BMPR1B: variants seen among roughly 807,000 people sequenced by gnomAD.
BMPR1B encodes bone morphogenetic protein receptor type 1B.
A neutral mutation model predicts 59.1 loss-of-function variants in BMPR1B; 12 were observed. That is an observed-to-expected ratio of 0.20 (90% CI 0.13 to 0.33). The LOEUF is 0.33. Ranked by LOEUF, BMPR1B falls within the 10% of genes least tolerant of loss-of-function variation. The pLI, the probability that BMPR1B is intolerant of heterozygous loss-of-function variation, is 1.00. For missense variants in BMPR1B, 550 were observed against 610.9 expected (o/e 0.90, Z 1.05); for synonymous variants, 237 against 207.3 (o/e 1.14, Z -1.23).
intron 6 of BMPR1B, among the ~76,000 whole-genome samples, chr4:95,116,617 C>T (rs913002202): frequency 5.9e-5 from 9 of 151,438 alleles, no homozygotes; most frequent in Non-Finnish European, 1.2e-4. Context: ...CTCTCTCTCT[C>T]TCTCTTTTTT....
chr4:95,002,178 T>G (rs553628283), intron 3 of BMPR1B, among the ~76,000 whole-genome samples: 10 of 152,332 alleles, frequency 6.6e-5, no homozygotes, highest in African/African-American at 2.4e-4. Context: ...TGTTGCCATC[T>G]GGATGTCCAT....
At chr4:94,795,626 G>T (rs1368417628) in intron 1 of BMPR1B, among the ~76,000 whole-genome samples, 2 of 151,902 alleles carry the variant, frequency 1.3e-5, no homozygotes, top group East Asian at 1.9e-4. Flanking sequence ...ACCACATCTG[G>T]CTAATTTTTG....
At chr4:95,108,316 A>G (rs578039167) in intron 4 of BMPR1B, among the ~76,000 whole-genome samples, 21 of 152,028 alleles carry the variant, frequency 1.4e-4, no homozygotes, top group Non-Finnish European at 2.5e-4. Flanking sequence ...TTTAAAGGAT[A>G]AGGTTGTATT....
chr4:94,782,276 C>A (rs1453768991), intron 1 of BMPR1B, among the ~76,000 whole-genome samples: 1 of 151,658 alleles, frequency 6.6e-6, no homozygotes, highest in East Asian at 1.9e-4. Flanking sequence ...CAGATACTTC[C>A]TTCTACTCAG....
chr4:94,942,791 A>G (rs546991861), intron 2 of BMPR1B, among the ~76,000 whole-genome samples: 1 of 152,334 alleles, frequency 6.6e-6, no homozygotes, highest in Admixed American at 6.5e-5. Flanking sequence ...AGTTGTAGGC[A>G]TAGGATAGAA....
At position 94,876,196 on chromosome 4, in the gene BMPR1B, C is replaced by G. The variant is rs989542720; in HGVS notation, c.-113+296C>G. Among the ~76,000 whole-genome samples, 6 of 152,302 alleles carry G rather than the reference C, an allele frequency of 3.9e-5. No individual in the cohort carries two copies. In the East Asian group the frequency reaches 1.2e-3, roughly 29 times the overall value. On this transcript the variant is annotated intron_variant, in intron 2 of 12. Coordinates refer to ENST00000515059, the MANE Select transcript of BMPR1B (RefSeq NM_001203.3). Reference sequence around the variant, plus strand: ...AGTCTGTTCCTCAAACATTTACACACTTGGTAATAACCTTTTACCAACCAT... The same window carrying G: ...AGTCTGTTCCTCAAACATTTACACAGTTGGTAATAACCTTTTACCAACCAT...
chr4:94,765,100 T>C (rs1721919553), intron 1 of BMPR1B, among the ~76,000 whole-genome samples: 1 of 152,128 alleles, frequency 6.6e-6, no homozygotes, highest in African/African-American at 2.4e-5. Flanking sequence ...GCTCTTAATA[T>C]TTGAATATTA....
intron 1 of BMPR1B, among the ~76,000 whole-genome samples, chr4:94,781,061 C>T (rs1722572209): frequency 1.3e-5 from 2 of 152,100 alleles, no homozygotes; most frequent in Non-Finnish European, 2.9e-5. Flanking sequence ...TGATTTGCAT[C>T]TTTCTGATGG....
intron 1 of BMPR1B, among the ~76,000 whole-genome samples, chr4:94,846,247 A>G (rs929277400): frequency 6.6e-6 from 1 of 152,190 alleles, no homozygotes; most frequent in South Asian, 2.1e-4. Flanking sequence ...TGCTGGGAAA[A>G]CTGGATATCT....
intron 1 of BMPR1B, among the ~76,000 whole-genome samples, chr4:94,830,082 G>C (rs1222844523): frequency 6.6e-6 from 1 of 152,036 alleles, no homozygotes; most frequent in South Asian, 2.1e-4. Context: ...AGCTAGTTCT[G>C]ATAAGTAATA....
At chr4:94,887,961 T>C (rs1727248554) in intron 2 of BMPR1B, among the ~76,000 whole-genome samples, 1 of 152,060 alleles carries the variant, frequency 6.6e-6, no homozygotes, top group African/African-American at 2.4e-5. Flanking sequence ...TCAACAATGA[T>C]CATAAAATTC....
intron 1 of BMPR1B, among the ~76,000 whole-genome samples, chr4:94,854,228 C>G (rs1196408819): frequency 2.6e-5 from 4 of 151,930 alleles, no homozygotes; most frequent in African/African-American, 9.7e-5. Flanking sequence ...TAATTGTACC[C>G]TAATATAAAG....
Position 95,006,835 on chromosome 4 carries a change from A to G in BMPR1B, c.-18+10701A>G, listed in dbSNP as rs143259934. On this transcript the variant is annotated intron_variant, in intron 3 of 12. Transcript: ENST00000515059. Reference sequence around the variant, plus strand: ...ATTACAGGCATGAGCCACCACGCCCAGCCCTACCTTCTGATTCTTAAAACT... The same window carrying G: ...ATTACAGGCATGAGCCACCACGCCCGGCCCTACCTTCTGATTCTTAAAACT... Among the ~76,000 whole-genome samples the G allele has an allele frequency of 7.2e-5, 11 of 152,188 alleles. No individual in the cohort carries two copies. In the East Asian group the frequency reaches 2.1e-3, roughly 29 times the overall value.
chr4:95,009,657 G>A (rs910575336), intron 3 of BMPR1B, among the ~76,000 whole-genome samples: 14 of 152,200 alleles, frequency 9.2e-5, no homozygotes, highest in Admixed American at 5.2e-4. Context: ...TGGCAGGTTC[G>A]AACACCAGTT....
intron 10 of BMPR1B, among the ~76,000 whole-genome samples, chr4:95,142,683 C>G (rs1334681334): frequency 6.6e-6 from 1 of 152,046 alleles, no homozygotes; most frequent in Non-Finnish European, 1.5e-5. Context: ...CTTGTTGGAG[C>G]TAGCAACTCT....
chr4:95,097,672 G>A (rs958697265), intron 3 of BMPR1B, among the ~76,000 whole-genome samples: 2 of 151,984 alleles, frequency 1.3e-5, no homozygotes, highest in Non-Finnish European at 2.9e-5. Flanking sequence ...CAAGTAGCTG[G>A]GACTACAGGC....
At chr4:94,853,626 AT>A (rs1725644746) in intron 1 of BMPR1B, among the ~76,000 whole-genome samples, 1 of 152,032 alleles carries the variant, frequency 6.6e-6, no homozygotes. Flanking sequence ...GGCTAGTGTT[AT>A]TTTTGTTTCT....
intron 3 of BMPR1B, among the ~76,000 whole-genome samples, chr4:95,026,098 A>ATTTCTCTC (rs1724341967): frequency 9.8e-6 from 1 of 101,622 alleles, no homozygotes. Context: ...GCTTTCTTTC[A>ATTTCTCTC]TTTCTTTCTT....
chr4:95,143,915 G>A (rs1734437005), intron 10 of BMPR1B, among the ~76,000 whole-genome samples: 2 of 151,944 alleles, frequency 1.3e-5, no homozygotes, highest in African/African-American at 4.8e-5. Context: ...TCCAAAATAC[G>A]AACAGCTCAG....
Sources: allele counts gnomAD v4.1 joint callset (sites outside exome capture counted in the v4.1 genomes callset), GRCh38; gene constraint gnomAD v4.1.1; transcripts MANE v1.5; gene names NCBI Gene and HGNC (gene_info 2026-07-23, HGNC 2026-07-21).